Variants in ETNK1 observed in about 807,000 individuals in gnomAD.
ETNK1 encodes putative protein product of Nbla10396.
In ETNK1, 8 loss-of-function variants were observed where a neutral mutation model predicts 45.1. The ratio of observed to expected loss-of-function variants is 0.18; its 90% CI spans 0.10 to 0.32. The LOEUF (loss-of-function observed/expected upper bound fraction) is 0.32, where lower values mean the gene tolerates loss of function less well. Ranked by LOEUF, ETNK1 falls within the 10% of genes least tolerant of loss-of-function variation. ETNK1 has a pLI of 1.00. For missense variants in ETNK1, 302 were observed against 430.6 expected (o/e 0.70, Z 2.64); for synonymous variants, 152 against 151.9 (o/e 1.00, Z -0.01).
At chr12:22,632,369 A>G (rs1953591037) in intron 1 of ETNK1, among the ~76,000 whole-genome samples, 1 of 152,056 alleles carries the variant, frequency 6.6e-6, no homozygotes, top group Non-Finnish European at 1.5e-5. Context: ...ATAATTTTAT[A>G]TTCTTTTTTT....
chr12:22,659,241 A>T, intron 3 of ETNK1, 87 bp downstream of exon 3: 1 of 1,336,446 alleles, frequency 7.5e-7, no homozygotes, highest in South Asian at 1.5e-5. Flanking sequence ...GTTTCATTGT[A>T]TAAAATCTGG....
At chr12:22,654,916 T>C (rs1228848212) in intron 2 of ETNK1, among the ~76,000 whole-genome samples, 1 of 152,250 alleles carries the variant, frequency 6.6e-6, no homozygotes, top group African/African-American at 2.4e-5. Flanking sequence ...GGAAAAATTT[T>C]ACCTCTGTCA....
chr12:22,662,891 C>T (rs1954020688), intron 4 of ETNK1, among the ~76,000 whole-genome samples: 1 of 152,144 alleles, frequency 6.6e-6, no homozygotes. Context: ...ATATAGCTGA[C>T]TTTCACTTTA....
intron 2 of ETNK1, chr12:22,644,683 A>C (rs2137535927): frequency 6.5e-6 from 1 of 153,174 alleles, no homozygotes; most frequent in African/African-American, 2.4e-5. Flanking sequence ...AATATTTACC[A>C]TATTAGATAT....
intron 1 of ETNK1, among the ~76,000 whole-genome samples, chr12:22,632,395 A>G (rs1200026012): frequency 6.6e-6 from 1 of 152,116 alleles, no homozygotes; most frequent in African/African-American, 2.4e-5. Context: ...GCCCTTTATA[A>G]ACATTTTCCC....
chr12:22,646,251 A>G (rs1442263313), intron 2 of ETNK1, among the ~76,000 whole-genome samples: 1 of 151,870 alleles, frequency 6.6e-6, no homozygotes. Flanking sequence ...AGAAAAGCTA[A>G]GGGAGGGAAA....
intron 3 of ETNK1, among the ~76,000 whole-genome samples, chr12:22,659,530 C>T (rs189883665): frequency 3.6e-4 from 55 of 152,286 alleles, no homozygotes; most frequent in African/African-American, 1.3e-3. Flanking sequence ...TGGAGCCAAA[C>T]TGAGATTAAA....
At chr12:22,650,324 A>T (rs985108112) in intron 2 of ETNK1, among the ~76,000 whole-genome samples, 2 of 151,142 alleles carry the variant, frequency 1.3e-5, no homozygotes, top group Admixed American at 1.3e-4. Flanking sequence ...GTTAAAAAGG[A>T]TTGGTGAAAA....
Position 22,690,401 on chromosome 12 carries a change from G to T in ETNK1, c.*5447G>T, listed in dbSNP as rs1262422889. On this transcript the variant is annotated 3_prime_UTR_variant, in exon 8 of 8. Coordinates refer to ENST00000266517, the MANE Select transcript of ETNK1 (RefSeq NM_018638.5). ...TGTTAATTTAAATAAAATTTGTTCT[G>T]TGGATAAAATGAGGTTGGCAGTGAA... The T allele has an allele frequency of 6.6e-6, 1 of 152,446 alleles. No homozygotes were observed. The highest frequency in any genetic ancestry group is 1.5e-5 in the Non-Finnish European group (1 of 67,928). 9.4% of individuals were successfully genotyped at this position (152,446 alleles called of 1,614,324 possible).
At chr12:22,630,063 C>T (rs945436277) in intron 1 of ETNK1, among the ~76,000 whole-genome samples, 1 of 152,188 alleles carries the variant, frequency 6.6e-6, no homozygotes, top group Admixed American at 6.5e-5. Flanking sequence ...TTGGACTACA[C>T]AAACTGCGTC....
chr12:22,654,352 G>C (rs945015208), intron 2 of ETNK1, among the ~76,000 whole-genome samples: 1 of 152,214 alleles, frequency 6.6e-6, no homozygotes, highest in African/African-American at 2.4e-5. Context: ...AGTGTGAGAA[G>C]AAGATGATGT....
chr12:22,640,164 A>C (rs1953716436), intron 1 of ETNK1, among the ~76,000 whole-genome samples: 3 of 152,214 alleles, frequency 2.0e-5, no homozygotes, highest in African/African-American at 7.2e-5. Context: ...GTGATGAGGT[A>C]AGGCAGAGAA....
chr12:22,685,186 G>A lies in ETNK1; in HGVS notation c.*232G>A. The A allele has an allele frequency of 2.8e-6, 1 of 363,484 alleles. No homozygotes were observed. The highest frequency in any genetic ancestry group is 7.6e-5 in the South Asian group (1 of 13,124). 22.5% of individuals were successfully genotyped at this position (363,484 alleles called of 1,614,324 possible). A position where few individuals can be genotyped will look rare whatever the true frequency, so the allele number is the denominator to read the frequency against. ...TTAGAAATGTGTTAAATCTGCAAAA[G>A]GTATAAAGATGTCAGTTTAATTTCT... On this transcript the variant is annotated 3_prime_UTR_variant, in exon 8 of 8. Transcript: ENST00000266517.
At chr12:22,678,900 T>C (rs1021692892) in intron 6 of ETNK1, among the ~76,000 whole-genome samples, 5 of 152,224 alleles carry the variant, frequency 3.3e-5, no homozygotes, top group African/African-American at 1.2e-4. Context: ...GTCAAACTGT[T>C]ATGTTTATAT....
At chr12:22,678,664 A>G (rs986081845) in intron 6 of ETNK1, among the ~76,000 whole-genome samples, 1 of 152,218 alleles carries the variant, frequency 6.6e-6, no homozygotes, top group East Asian at 1.9e-4. Context: ...GTCTAGTCCA[A>G]TTCGGATGAA....
chr12:22,674,275 G>A (rs925169117), intron 6 of ETNK1, among the ~76,000 whole-genome samples: 3 of 152,126 alleles, frequency 2.0e-5, no homozygotes, highest in Admixed American at 6.5e-5. Flanking sequence ...TTCAACTAAG[G>A]TGTTAGATAA....
In ETNK1 at chr12:22,687,698, A is replaced by T. The variant is rs991895105; in HGVS notation, c.*2744A>T. The T allele has an allele frequency of 6.6e-6, 1 of 152,314 alleles. No individual in the cohort carries two copies. Among genetic ancestry groups the T allele is most frequent in the Non-Finnish European group, 1.5e-5 (1 of 67,794 alleles). The allele number at this position is 152,314 out of a possible 1,614,324, so 9.4% of individuals were successfully genotyped here. On this transcript the variant is annotated 3_prime_UTR_variant, in exon 8 of 8. Transcript: ENST00000266517. ...TGAGATCAATATGAGCACAAAACTC[A>T]TCAAGTAGGTCTGCCTGGAATGTAT...
rs1228075807 is a variant in ETNK1, at chr12:22,628,275, A to C, written c.156+2689A>C. Among the ~76,000 whole-genome samples the C allele has an allele frequency of 2.6e-5, 4 of 152,230 alleles. No individual in the cohort carries two copies. The South Asian group carries it at 8.3e-4, about 32-fold the overall frequency. On this transcript the variant is annotated intron_variant, in intron 1 of 7. Transcript: ENST00000266517. ...CAGATCTGAGATGATAAACCATCTT[A>C]TGAATTATTGTTCTATGACCAAGAG... is the stretch of plus-strand genomic sequence containing the variant.
intron 2 of ETNK1, chr12:22,656,764 A>G (rs1592127627): frequency 1.0e-6 from 1 of 981,932 alleles, no homozygotes; most frequent in Admixed American, 6.2e-5. Context: ...ATTAGAAATG[A>G]TATTATTTTT....
Sources: gnomAD v4.1 joint callset for allele counts (sites outside exome capture counted in the v4.1 genomes callset) on GRCh38, gnomAD v4.1.1 for gene constraint, MANE v1.5 for transcripts, NCBI Gene and HGNC (gene_info 2026-07-23, HGNC 2026-07-21) for gene names.